Variants in TYK2 observed in about 807,000 individuals in gnomAD.
The protein encoded by TYK2 is non-receptor tyrosine-protein kinase TYK2.
In TYK2, 65 loss-of-function variants were observed where a neutral mutation model predicts 130.9. The observed-to-expected ratio is 0.50, with a 90% CI of 0.41 to 0.61. The LOEUF (loss-of-function observed/expected upper bound fraction) is 0.61, where lower values mean the gene tolerates loss of function less well. Among genes scored for constraint, TYK2 ranks in the 20% least tolerant of loss-of-function variants. The pLI is 0.00. For synonymous variants in TYK2, 647 were observed against 658.9 expected, an observed-to-expected ratio of 0.98 and a Z score of 0.28; for missense variants, 1,378 against 1,610.7, an observed-to-expected ratio of 0.86 and a Z score of 2.47.
chr19:10,372,129 T>C (rs895865320), intron 3 of TYK2, among the ~76,000 whole-genome samples: 1 of 151,634 alleles, frequency 6.6e-6, no homozygotes, highest in African/African-American at 2.4e-5. Context: ...TAGCTGGGAC[T>C]ACAGGCGCCC....
At chr19:10,366,322 T>A in intron 6 of TYK2, 95 bp downstream of exon 6, 5 of 1,304,934 alleles carry the variant, frequency 3.8e-6, no homozygotes, top group East Asian at 2.4e-5. Flanking sequence ...AAAAAAAAAG[T>A]AGAGGCACGG....
At chr19:10,366,672 A>C (rs972271084) in intron 5 of TYK2, 92 bp from the exon 6 acceptor site, 78 of 1,413,196 alleles carry the variant, frequency 5.5e-5, no homozygotes, top group Non-Finnish European at 7.6e-5. Context: ...CCTGGACCAC[A>C]CTGGAAGAAG....
chr19:10,351,934 T>G (rs1479241115), intron 23 of TYK2, among the ~76,000 whole-genome samples: 2 of 151,070 alleles, frequency 1.3e-5, no homozygotes, highest in Non-Finnish European at 2.9e-5. Context: ...GAGACGGGGT[T>G]TCACCATGTT....
chr19:10,361,754 G>A lies in TYK2; in HGVS notation c.1959+16C>T. 6.2e-7 allele frequency: 1 copy of A among 1,611,320 alleles called. No individual in the cohort carries two copies. The highest frequency in any genetic ancestry group is 1.1e-5 in the South Asian group (1 of 91,016). ...CCTCCACAGACACACCCCCAGGCCTGGCCCTGCCCACTCACCAGGGCGATG... is the reference window on the plus strand; with the variant it reads ...CCTCCACAGACACACCCCCAGGCCTAGCCCTGCCCACTCACCAGGGCGATG... On this transcript the variant is annotated intron_variant, in intron 13 of 24. Coordinates refer to ENST00000525621, the MANE Select transcript of TYK2 (RefSeq NM_003331.5). The surrounding 1 kb of genome is among the most constrained non-coding windows in gnomAD (Gnocchi z 4.0).
chr19:10,354,240 C>A lies in TYK2; in HGVS notation c.2716-6G>T, dbSNP rs1335670776. ...CTGACCTTGCCGAAGTGACCCTGGTCGGGAGCGCACGAGGGTCAGCTCCAC... is the reference window on the plus strand; with the variant it reads ...CTGACCTTGCCGAAGTGACCCTGGTAGGGAGCGCACGAGGGTCAGCTCCAC... On this transcript the variant is annotated splice_region_variant and splice_polypyrimidine_tract_variant and intron_variant, in intron 19 of 24. Transcript: ENST00000525621. 3.1e-6 allele frequency: 5 copies of A among 1,610,314 alleles called. No homozygotes were observed. The highest frequency in any genetic ancestry group is 4.2e-6 in the Non-Finnish European group (5 of 1,179,982).
At position 10,353,931 on chromosome 19, in the gene TYK2, TG is replaced by T; in HGVS notation, c.2908+110del. On this transcript the variant is annotated intron_variant, in intron 20 of 24. Coordinates refer to ENST00000525621, the MANE Select transcript of TYK2 (RefSeq NM_003331.5). The surrounding 1 kb of genome is among the most constrained non-coding windows in gnomAD (Gnocchi z 6.9). Reference sequence around the variant, plus strand: ...ATGCCAAGAACCGCGTACTGCAGCCTGGGGTTGAGAGTCTCTAATTGGCTAG... The same window carrying T: ...ATGCCAAGAACCGCGTACTGCAGCCTGGGTTGAGAGTCTCTAATTGGCTAG... 1 of 1,184,400 alleles carries T rather than the reference TG, an allele frequency of 8.4e-7. No homozygotes were observed. The allele number at this position is 1,184,400 out of a possible 1,614,324, so 73.4% of individuals were successfully genotyped here. A position where few individuals can be genotyped will look rare whatever the true frequency, so the allele number is the denominator to read the frequency against.
chr19:10,378,215 A>G lies in TYK2; in HGVS notation c.192T>C (p.Val64=), dbSNP rs781137015. 3 of 1,612,456 alleles carry G rather than the reference A, an allele frequency of 1.9e-6. No homozygotes were observed. The South Asian group carries it at 3.3e-5, about 18-fold the overall frequency. The change falls in exon 3 of 25, where the codon GTT becomes GTC. Residue 64 remains valine (V), a splice_region_variant and synonymous_variant. Transcript: ENST00000525621. ...EEVCIHIAHK[V]GITPPCFNLF... ...ATGGTGCCAACGCCCCAGACTCACC[A>G]ACTTTATGTGCAATGTGGATGCAGA...
At chr19:10,368,648 T>C in intron 3 of TYK2, 1 of 536,492 alleles carries the variant, frequency 1.9e-6, no homozygotes, top group Non-Finnish European at 3.3e-6. Flanking sequence ...ATGGAGCCAA[T>C]TGCACTGCTG....
rs570582741 is a variant in TYK2 at position 10,367,802 on chromosome 19, C to T, written c.465+253G>A. Among the ~76,000 whole-genome samples, 30 of 151,818 alleles carry T rather than the reference C, an allele frequency of 2.0e-4. 1 individual carries two copies. In the South Asian group the frequency reaches 5.6e-3, roughly 28 times the overall value. Reference sequence around the variant, plus strand: ...GGGCATGGTGGCGGGCGCCTGTAGTCCCAGCTACTTGGGAGGCTGAGGCAG... The same window carrying T: ...GGGCATGGTGGCGGGCGCCTGTAGTTCCAGCTACTTGGGAGGCTGAGGCAG... On this transcript the variant is annotated intron_variant, in intron 5 of 24. Coordinates refer to ENST00000525621, the MANE Select transcript of TYK2 (RefSeq NM_003331.5).
rs1036970247 is a variant in TYK2, at chr19:10,361,421, G to A, written c.2047+90C>T. The A allele has an allele frequency of 9.5e-6, 12 of 1,265,774 alleles. No individual in the cohort carries two copies. In the African/African-American group the frequency reaches 1.5e-4, roughly 16 times the overall value. 78.4% of individuals were successfully genotyped at this position (1,265,774 alleles called of 1,614,324 possible). A position where few individuals can be genotyped will look rare whatever the true frequency, so the allele number is the denominator to read the frequency against. On this transcript the variant is annotated intron_variant, in intron 14 of 24. Coordinates refer to ENST00000525621, the MANE Select transcript of TYK2 (RefSeq NM_003331.5). The surrounding 1 kb of genome is among the most constrained non-coding windows in gnomAD (Gnocchi z 4.0). ...TTGAGAAATAGGCATAGGTTGGGGT[G>A]TAGGTCGAGGGTTGGGGTACAGATC...
intron 18 of TYK2, among the ~76,000 whole-genome samples, chr19:10,355,640 C>CA (rs34951532): frequency 0.22 from 15,033 of 69,622 alleles, 1,040 homozygotes; most frequent in African/African-American, 0.24. Flanking sequence ...AACTCCATCT[C>CA]AAAAAAAAAA....
At chr19:10,358,533 G>A (rs12720296) in intron 15 of TYK2, among the ~76,000 whole-genome samples, 4 of 151,734 alleles carry the variant, frequency 2.6e-5, no homozygotes, top group Non-Finnish European at 4.4e-5. Flanking sequence ...AGCTTACTAC[G>A]GCCTCAAATT....
At chr19:10,356,859 C>T (rs1599334234) in intron 17 of TYK2, 141 bp from the exon 18 acceptor site, 3 of 873,274 alleles carry the variant, frequency 3.4e-6, no homozygotes, top group Non-Finnish European at 5.4e-6. Context: ...GCAACTGAGG[C>T]TCCACAAAGT....
At chr19:10,380,041 G>A (rs1292249837) in intron 1 of TYK2, among the ~76,000 whole-genome samples, 1 of 152,158 alleles carries the variant, frequency 6.6e-6, no homozygotes, top group Non-Finnish European at 1.5e-5. Flanking sequence ...CATGTTGCTG[G>A]TTTCCTCATC....
In TYK2 at chr19:10,350,653, A is replaced by T; in HGVS notation, c.*181T>A. ...TGTTGGGTCCCTCAAGATCATGGTT[A>T]GGCTCACGGCCAAGAAAGAAAAATA... On this transcript the variant is annotated 3_prime_UTR_variant, in exon 25 of 25. Coordinates refer to ENST00000525621, the MANE Select transcript of TYK2 (RefSeq NM_003331.5). 1.5e-6 allele frequency: 1 copy of T among 688,000 alleles called. No individual in the cohort carries two copies. Among genetic ancestry groups the T allele is most frequent in the Non-Finnish European group, 2.4e-6 (1 of 418,050 alleles). 42.6% of individuals were successfully genotyped at this position (688,000 alleles called of 1,614,324 possible). A position where few individuals can be genotyped will look rare whatever the true frequency, so the allele number is the denominator to read the frequency against.
chr19:10,358,289 T>G (rs1186246380), intron 15 of TYK2, 151 bp from the exon 16 acceptor site: 3 of 734,108 alleles, frequency 4.1e-6, no homozygotes, highest in African/African-American at 1.9e-5. Context: ...GGTTATTTTT[T>G]TCTTGTTTTT....
At chr19:10,354,861 A>G (rs1256213488) in intron 18 of TYK2, among the ~76,000 whole-genome samples, 2 of 149,694 alleles carry the variant, frequency 1.3e-5, no homozygotes, top group South Asian at 2.1e-4. Flanking sequence ...ACCAGCCTGG[A>G]CAACATGGTG....
intron 2 of TYK2, among the ~76,000 whole-genome samples, chr19:10,378,685 T>A (rs2042256986): frequency 6.6e-6 from 1 of 152,144 alleles, no homozygotes; most frequent in Non-Finnish European, 1.5e-5. Context: ...GACACAGATA[T>A]AAAAATCTGC....
chr19:10,366,201 G>A (rs1369083813), intron 6 of TYK2, among the ~76,000 whole-genome samples: 1 of 152,088 alleles, frequency 6.6e-6, no homozygotes, highest in East Asian at 1.9e-4. Flanking sequence ...CAGCTACTCA[G>A]GAGGCTGAGG....
Sources: allele counts gnomAD v4.1 joint callset (sites outside exome capture counted in the v4.1 genomes callset), GRCh38; gene constraint gnomAD v4.1.1; non-coding constraint Gnocchi (gnomAD v3.1); transcripts MANE v1.5; gene names NCBI Gene and HGNC (gene_info 2026-07-23, HGNC 2026-07-21).